The following FHIT variants were observed in gnomAD, a reference collection of about 807,000 sequenced individuals.
FHIT encodes fragile histidine triad diadenosine triphosphatase.
In FHIT, 19 loss-of-function variants were observed where a neutral mutation model predicts 17.9. That is an observed-to-expected ratio of 1.06 (90% confidence interval 0.74 to 1.56). FHIT has a LOEUF of 1.56. Ranked by LOEUF, FHIT falls within the 40% of genes most tolerant of loss-of-function variation. The pLI is 0.00. For synonymous variants in FHIT, 81 were observed against 69.7 expected (o/e 1.16, Z -0.81); for missense variants, 248 against 189.2 (o/e 1.31, Z -1.82).
At chr3:60,058,796 T>C (rs1351509387) in intron 5 of FHIT, among the ~76,000 whole-genome samples, 1 of 152,162 alleles carries the variant, frequency 6.6e-6, no homozygotes, top group Non-Finnish European at 1.5e-5. Context: ...AATAACATGA[T>C]CGATTTGTAA....
intron 4 of FHIT, among the ~76,000 whole-genome samples, chr3:60,588,202 C>G (rs1245784596): frequency 3.3e-5 from 5 of 152,050 alleles, no homozygotes; most frequent in Non-Finnish European, 7.4e-5. Flanking sequence ...AAGGGCCATT[C>G]TCTCAGCCCT....
At chr3:60,594,761 T>C (rs1204432314) in intron 4 of FHIT, among the ~76,000 whole-genome samples, 2 of 152,128 alleles carry the variant, frequency 1.3e-5, no homozygotes, top group South Asian at 2.1e-4. Context: ...TGCATTGCTT[T>C]TTCCCCCATA....
At chr3:60,058,428 G>A (rs561789351) in intron 5 of FHIT, among the ~76,000 whole-genome samples, 7 of 152,224 alleles carry the variant, frequency 4.6e-5, no homozygotes, top group East Asian at 1.9e-4. Flanking sequence ...CGTGCTGACC[G>A]TGTACAGAGT....
At chr3:60,603,175 C>T (rs1331305987) in intron 4 of FHIT, among the ~76,000 whole-genome samples, 2 of 152,050 alleles carry the variant, frequency 1.3e-5, no homozygotes, top group African/African-American at 4.8e-5. Flanking sequence ...TAGTTAAAAA[C>T]TCATAAAAAC....
At chr3:59,930,927 T>C (rs55673050) in intron 7 of FHIT, among the ~76,000 whole-genome samples, 13,212 of 152,158 alleles carry the variant, frequency 0.087, 724 homozygotes, top group Admixed American at 0.13. Context: ...GCCCCTACAA[T>C]TAAGCAGTTT....
intron 4 of FHIT, among the ~76,000 whole-genome samples, chr3:60,550,040 C>T (rs970061044): frequency 1.3e-5 from 2 of 152,132 alleles, no homozygotes; most frequent in African/African-American, 4.8e-5. Flanking sequence ...TTTCAATTAA[C>T]TTAAACACTA....
chr3:60,585,211 GA>G (rs1340916608), intron 4 of FHIT, among the ~76,000 whole-genome samples: 2 of 151,910 alleles, frequency 1.3e-5, no homozygotes, highest in Non-Finnish European at 2.9e-5. Context: ...AACTAATTCT[GA>G]AAATTTCTAA....
intron 5 of FHIT, among the ~76,000 whole-genome samples, chr3:60,172,061 C>A (rs1185139269): frequency 6.6e-6 from 1 of 152,046 alleles, no homozygotes. Context: ...TACAGAATAT[C>A]CAGATTAGTA....
At chr3:60,739,825 T>C (rs889150597) in intron 4 of FHIT, among the ~76,000 whole-genome samples, 3 of 152,182 alleles carry the variant, frequency 2.0e-5, no homozygotes, top group African/African-American at 7.2e-5. Context: ...AAAACTTACA[T>C]AGATACCTTC....
intron 2 of FHIT, among the ~76,000 whole-genome samples, chr3:61,102,733 C>A (rs544422585): frequency 7.2e-5 from 11 of 152,242 alleles, no homozygotes; most frequent in Admixed American, 3.9e-4. Context: ...ATTTCAGAGC[C>A]TGTTATTGGT....
intron 7 of FHIT, among the ~76,000 whole-genome samples, chr3:59,924,839 C>G (rs768047097): frequency 1.2e-4 from 19 of 152,308 alleles, no homozygotes; most frequent in Non-Finnish European, 2.1e-4. Flanking sequence ...CCCTAAAAGT[C>G]TGCATTTCTA....
intron 4 of FHIT, chr3:60,732,059 A>G: frequency 1.8e-6 from 1 of 549,214 alleles, no homozygotes; most frequent in Middle Eastern, 5.7e-4. Flanking sequence ...AGATTCTAGG[A>G]TACTGCGAGC....
chr3:60,153,327 G>A (rs868140649), intron 5 of FHIT, among the ~76,000 whole-genome samples: 71 of 124,732 alleles, frequency 5.7e-4, no homozygotes, highest in African/African-American at 2.0e-3. Flanking sequence ...AAGATAAACC[G>A]AGTGAAAGAA....
intron 4 of FHIT, among the ~76,000 whole-genome samples, chr3:60,649,808 C>T (rs529285968): frequency 6.6e-6 from 1 of 151,728 alleles, no homozygotes; most frequent in East Asian, 1.9e-4. Context: ...GAAAAAAAAA[C>T]CCAGCAATTT....
At chr3:60,992,789 A>G (rs1410130188) in intron 3 of FHIT, among the ~76,000 whole-genome samples, 1 of 152,248 alleles carries the variant, frequency 6.6e-6, no homozygotes, top group Non-Finnish European at 1.5e-5. Flanking sequence ...TTTTAGAAAT[A>G]TAGCTCAAGT....
intron 5 of FHIT, among the ~76,000 whole-genome samples, chr3:60,195,226 A>G (rs1428119288): frequency 6.6e-6 from 1 of 152,064 alleles, no homozygotes; most frequent in Admixed American, 6.6e-5. Flanking sequence ...TACCCCCTCC[A>G]GAATGGTCAT....
At chr3:61,043,976 G>T (rs932046058) in intron 2 of FHIT, among the ~76,000 whole-genome samples, 50 of 152,214 alleles carry the variant, frequency 3.3e-4, no homozygotes, top group African/African-American at 2.4e-5. Context: ...ACCCCATCTG[G>T]ACGTCACCAT....
At chr3:60,919,468 A>C (rs1184366139) in intron 3 of FHIT, among the ~76,000 whole-genome samples, 1 of 151,594 alleles carries the variant, frequency 6.6e-6, no homozygotes, top group Non-Finnish European at 1.5e-5. Flanking sequence ...CTCACAAAAT[A>C]CTCAAATAGG....
chr3:60,200,341 C>T lies in FHIT; in HGVS notation c.104-186189G>A, dbSNP rs151104710. Among the ~76,000 whole-genome samples, 558 of 152,194 alleles carry T rather than the reference C, an allele frequency of 3.7e-3. 2 individuals carry two copies. Among genetic ancestry groups the T allele is most frequent in the African/African-American group, 0.012 (502 of 41,530 alleles). ...CATCTAATGAGCTAAATGAATTCTA[C>T]GAATTCTGCTCTACCATGTTGGATT... On this transcript the variant is annotated intron_variant, in intron 5 of 9. Coordinates refer to ENST00000492590, the MANE Select transcript of FHIT (RefSeq NM_002012.4).
Sources: allele counts gnomAD v4.1 joint callset (sites outside exome capture counted in the v4.1 genomes callset), GRCh38; gene constraint gnomAD v4.1.1; transcripts MANE v1.5; gene names NCBI Gene and HGNC (gene_info 2026-07-23, HGNC 2026-07-21).